Variants in RICTOR observed in about 807,000 individuals in gnomAD.
RICTOR encodes the protein RPTOR independent companion of MTOR complex 2, also known as rapamycin-insensitive companion of mTOR.
Under a neutral mutation model 214.9 loss-of-function variants are expected in RICTOR, and 49 were observed. The ratio of observed to expected loss-of-function variants is 0.23; its 90% CI spans 0.18 to 0.29. The LOEUF (loss-of-function observed/expected upper bound fraction) is 0.29. RICTOR is among the 10% of genes least tolerant of loss of function. The pLI is 1.00. For synonymous variants in RICTOR, 717 were observed against 711.3 expected, an observed-to-expected ratio of 1.01 and a Z score of -0.13; for missense variants, 1,625 against 2,047.0, an observed-to-expected ratio of 0.79 and a Z score of 3.98.
chr5:39,035,814 T>C (rs1024408186), intron 2 of RICTOR, among the ~76,000 whole-genome samples: 3 of 152,190 alleles, frequency 2.0e-5, no homozygotes, highest in Non-Finnish European at 4.4e-5. Context: ...TATGGGACTA[T>C]GTAAAAAGAC....
At chr5:38,957,365 C>T (rs72635273) in intron 25 of RICTOR, among the ~76,000 whole-genome samples, 2,705 of 152,108 alleles carry the variant, frequency 0.018, 52 homozygotes, top group East Asian at 0.05. Flanking sequence ...AAATGATAAA[C>T]AGGGCCAAAA....
At position 38,966,441 on chromosome 5, in the gene RICTOR, G is replaced by A. The variant is rs758788587; in HGVS notation, c.1299+200C>T. On this transcript the variant is annotated intron_variant, in intron 15 of 37. Transcript: ENST00000357387. ...CCATTTACAAAACCAATCAAAATAT[G>A]CATGTGCATGCGCATGCGCGCACGT... Among the ~76,000 whole-genome samples, 72 of 152,198 alleles carry A rather than the reference G, an allele frequency of 4.7e-4. 1 individual carries two copies. The highest frequency in any genetic ancestry group is 1.3e-4 in the Non-Finnish European group (9 of 68,022).
At chr5:39,039,005 C>T (rs1756962461) in intron 2 of RICTOR, among the ~76,000 whole-genome samples, 1 of 152,164 alleles carries the variant, frequency 6.6e-6, no homozygotes. Context: ...GCCCGCATTG[C>T]CAGGTCAACC....
Position 38,938,803 on chromosome 5 carries a change from G to A in RICTOR, c.*3501C>T, listed in dbSNP as rs1397613789. On this transcript the variant is annotated 3_prime_UTR_variant, in exon 38 of 38. Coordinates refer to ENST00000357387, the MANE Select transcript of RICTOR (RefSeq NM_152756.5). ...CACTCTTGAGATTAAGATAGTAACA[G>A]TGTATTTTGTTAATGCAGAGACAAT... is the stretch of plus-strand genomic sequence containing the variant. The A allele has an allele frequency of 8.6e-6, 2 of 232,926 alleles. No individual in the cohort carries two copies. The highest frequency in any genetic ancestry group is 1.7e-5 in the Non-Finnish European group (2 of 117,702). 14.4% of individuals were successfully genotyped at this position (232,926 alleles called of 1,614,324 possible). A position where few individuals can be genotyped will look rare whatever the true frequency, so the allele number is the denominator to read the frequency against.
At chr5:38,966,466 T>C (rs1280139698) in intron 15 of RICTOR, among the ~76,000 whole-genome samples, 175 bp downstream of exon 15, 1 of 152,268 alleles carries the variant, frequency 6.6e-6, no homozygotes, top group Non-Finnish European at 1.5e-5. Context: ...TGCGCGCACG[T>C]ACATATCTAT....
intron 2 of RICTOR, among the ~76,000 whole-genome samples, chr5:39,065,035 T>C (rs541691524): frequency 6.6e-6 from 1 of 152,308 alleles, no homozygotes; most frequent in East Asian, 1.9e-4. Flanking sequence ...AATTCAAAAC[T>C]CTTCTCCTGG....
At chr5:39,003,305 A>G (rs998346855) in intron 4 of RICTOR, among the ~76,000 whole-genome samples, 7 of 152,306 alleles carry the variant, frequency 4.6e-5, no homozygotes, top group Admixed American at 3.9e-4. Context: ...ATTTAATTTA[A>G]AAGTTTAAAT....
intron 2 of RICTOR, among the ~76,000 whole-genome samples, chr5:39,028,243 C>T (rs986319641): frequency 6.6e-5 from 8 of 120,312 alleles, no homozygotes; most frequent in South Asian, 5.6e-4. Flanking sequence ...AGTGCAGTGG[C>T]GGGATCTCGG....
intron 3 of RICTOR, among the ~76,000 whole-genome samples, chr5:39,020,627 A>C (rs928130201): frequency 3.9e-5 from 6 of 152,142 alleles, no homozygotes; most frequent in African/African-American, 1.2e-4. Flanking sequence ...AAACCAAAAA[A>C]CTCGTGACTT....
chr5:39,023,469 G>A (rs990990413), intron 2 of RICTOR, among the ~76,000 whole-genome samples: 1 of 152,148 alleles, frequency 6.6e-6, no homozygotes, highest in Non-Finnish European at 1.5e-5. Flanking sequence ...ACAAGCCATG[G>A]GCCAGATATG....
chr5:39,031,020 CT>C (rs1380521313), intron 2 of RICTOR, among the ~76,000 whole-genome samples: 1 of 152,120 alleles, frequency 6.6e-6, no homozygotes, highest in African/African-American at 2.4e-5. Context: ...CCTAACAAAG[CT>C]TTAGTTCCTG....
At chr5:38,980,333 T>G (rs772909664) in intron 8 of RICTOR, among the ~76,000 whole-genome samples, 3 of 152,166 alleles carry the variant, frequency 2.0e-5, no homozygotes, top group Non-Finnish European at 2.9e-5. Context: ...TATAAAAGAC[T>G]CCAAGTGATG....
rs148645133 is a variant in RICTOR at position 39,073,490 on chromosome 5, A to T, written c.97+621T>A. ...CAGGGTGAGGGGGCGGTCTTTAGCCAACTACAGTCCCAGCGGCCCGGGAAA... is the reference window on the plus strand; with the variant it reads ...CAGGGTGAGGGGGCGGTCTTTAGCCTACTACAGTCCCAGCGGCCCGGGAAA... On this transcript the variant is annotated intron_variant, in intron 2 of 37. Transcript: ENST00000357387. 4.0e-3 allele frequency among the ~76,000 whole-genome samples: 611 copies of T among 152,298 alleles called. 4 individuals are homozygous for T. Among genetic ancestry groups the T allele is most frequent in the African/African-American group, 0.014 (580 of 41,552 alleles).
At chr5:39,051,038 T>TACACAC (rs1482058676) in intron 2 of RICTOR, among the ~76,000 whole-genome samples, 1 of 98,314 alleles carries the variant, frequency 1.0e-5, no homozygotes, top group Admixed American at 1.0e-4. Context: ...CCCATACATA[T>TACACAC]ATATACACAC....
intron 2 of RICTOR, among the ~76,000 whole-genome samples, chr5:39,057,937 C>T (rs1329474792): frequency 6.6e-6 from 1 of 152,218 alleles, no homozygotes; most frequent in East Asian, 1.9e-4. Context: ...TACCTTCATA[C>T]ACTTCAGTAT....
intron 5 of RICTOR, among the ~76,000 whole-genome samples, chr5:39,001,262 G>A (rs146258280): frequency 2.2e-3 from 341 of 152,140 alleles, no homozygotes; most frequent in African/African-American, 7.8e-3. Context: ...AAAGAGGATA[G>A]AGAACCCAAC....
At chr5:38,995,608 T>C (rs1293075722) in intron 6 of RICTOR, among the ~76,000 whole-genome samples, 2 of 152,162 alleles carry the variant, frequency 1.3e-5, no homozygotes, top group Non-Finnish European at 2.9e-5. Flanking sequence ...ATGTTATTTA[T>C]ATTTGTATTT....
At position 38,998,388 on chromosome 5, in the gene RICTOR, C is replaced by T. The variant is rs557299075; in HGVS notation, c.393-1506G>A. ...CTTAATAGAGACAGAGGTTTCGCCACATTGGCCAGGCTGGTCTCAAACTCC... is the reference window on the plus strand; with the variant it reads ...CTTAATAGAGACAGAGGTTTCGCCATATTGGCCAGGCTGGTCTCAAACTCC... On this transcript the variant is annotated intron_variant, in intron 5 of 37. Transcript: ENST00000357387. Among the ~76,000 whole-genome samples, 287 of 152,232 alleles carry T rather than the reference C, an allele frequency of 1.9e-3. 1 individual carries two copies. The highest frequency in any genetic ancestry group is 6.1e-3 in the African/African-American group (255 of 41,548).
At chr5:39,013,525 A>T (rs754074683) in intron 3 of RICTOR, among the ~76,000 whole-genome samples, 5 of 152,178 alleles carry the variant, frequency 3.3e-5, no homozygotes, top group Non-Finnish European at 7.4e-5. Context: ...ATCAAGTTTT[A>T]AAAAATGTAA....
Sources: gnomAD v4.1 joint callset for allele counts (sites outside exome capture counted in the v4.1 genomes callset) on GRCh38, gnomAD v4.1.1 for gene constraint, MANE v1.5 for transcripts, NCBI Gene and HGNC (gene_info 2026-07-23, HGNC 2026-07-21) for gene names.